The following DSCAM variants were observed in gnomAD, a reference collection of about 807,000 sequenced individuals.
DSCAM encodes cell adhesion molecule DSCAM.
Under a neutral mutation model 217.7 loss-of-function variants are expected in DSCAM, and 47 were observed. The ratio of observed to expected loss-of-function variants is 0.22; its 90% CI spans 0.17 to 0.28. The LOEUF (loss-of-function observed/expected upper bound fraction) is 0.28, where lower values mean the gene tolerates loss of function less well. DSCAM is among the 10% of genes least tolerant of loss of function. The probability of loss-of-function intolerance (pLI) is 1.00; values close to 1 mark genes in which losing one functional copy is unlikely to be tolerated. For missense variants in DSCAM, 2,080 were observed against 2,618.3 expected, an observed-to-expected ratio of 0.79 and a Z score of 4.49; for synonymous variants, 1,056 against 1,015.3, an observed-to-expected ratio of 1.04 and a Z score of -0.76.
chr21:40,817,315 G>T (rs1375018250), intron 1 of DSCAM, among the ~76,000 whole-genome samples: 1 of 152,098 alleles, frequency 6.6e-6, no homozygotes, highest in Non-Finnish European at 1.5e-5. Context: ...AAATCAGATC[G>T]CTTGTTTCTT....
At chr21:40,577,346 A>G (rs2146213944) in intron 3 of DSCAM, among the ~76,000 whole-genome samples, 1 of 151,776 alleles carries the variant, frequency 6.6e-6, no homozygotes, top group South Asian at 2.1e-4. Context: ...CCGGGGTGAG[A>G]AGCTGAGGAC....
At chr21:40,408,535 A>C (rs1278708931) in intron 3 of DSCAM, among the ~76,000 whole-genome samples, 1 of 152,118 alleles carries the variant, frequency 6.6e-6, no homozygotes, top group Non-Finnish European at 1.5e-5. Context: ...GACAACCTGA[A>C]AATTGAATAT....
chr21:40,119,292 C>A (rs1377816553), intron 20 of DSCAM, among the ~76,000 whole-genome samples: 3 of 152,070 alleles, frequency 2.0e-5, no homozygotes, highest in African/African-American at 7.2e-5. Flanking sequence ...AGGAGAGGAA[C>A]TATAGGTAGC....
intron 32 of DSCAM, among the ~76,000 whole-genome samples, chr21:40,031,762 G>A (rs1326030837): frequency 6.6e-6 from 1 of 152,138 alleles, no homozygotes; most frequent in East Asian, 1.9e-4. Context: ...GTGGCCTCCT[G>A]TACACTCTGC....
At chr21:40,702,244 G>A (rs557286685) in intron 2 of DSCAM, among the ~76,000 whole-genome samples, 1 of 152,218 alleles carries the variant, frequency 6.6e-6, no homozygotes, top group South Asian at 2.1e-4. Flanking sequence ...ATACTGTAAT[G>A]GTGATACCTG....
At chr21:40,619,464 G>A (rs34060470) in intron 3 of DSCAM, among the ~76,000 whole-genome samples, 13,510 of 152,092 alleles carry the variant, frequency 0.089, 696 homozygotes, top group South Asian at 0.16. Context: ...CTATTGTTAC[G>A]CAGTTCATAT....
At chr21:40,125,275 C>CT (rs2090082188) in intron 19 of DSCAM, among the ~76,000 whole-genome samples, 2 of 152,130 alleles carry the variant, frequency 1.3e-5, no homozygotes, top group South Asian at 4.1e-4. Context: ...TCCTCTTGTT[C>CT]TTTTATTTTC....
intron 3 of DSCAM, among the ~76,000 whole-genome samples, chr21:40,607,508 T>C (rs577328916): frequency 1.3e-5 from 2 of 151,664 alleles, no homozygotes; most frequent in Non-Finnish European, 2.9e-5. Context: ...AAGCATGATA[T>C]GGTTTGGCTG....
intron 3 of DSCAM, among the ~76,000 whole-genome samples, chr21:40,611,395 G>GT (rs2089313252): frequency 6.6e-6 from 1 of 152,060 alleles, no homozygotes; most frequent in South Asian, 2.1e-4. Flanking sequence ...GTAACACAGC[G>GT]TATCAAAACT....
chr21:40,777,955 C>T (rs2091503552), intron 1 of DSCAM, among the ~76,000 whole-genome samples: 1 of 152,136 alleles, frequency 6.6e-6, no homozygotes, highest in Non-Finnish European at 1.5e-5. Context: ...GACTTTCCAA[C>T]AGCACTAATG....
intron 3 of DSCAM, among the ~76,000 whole-genome samples, chr21:40,382,838 C>T (rs184826967): frequency 2.0e-4 from 30 of 152,274 alleles, no homozygotes; most frequent in Non-Finnish European, 3.8e-4. Flanking sequence ...ACCTTTGTAA[C>T]AAAATGGTAT....
chr21:40,266,635 TTATATATA>T (rs71186923), intron 11 of DSCAM, among the ~76,000 whole-genome samples: 37 of 62,626 alleles, frequency 5.9e-4, no homozygotes, highest in South Asian at 1.6e-3. Flanking sequence ...CAAAGATGTT[TTATATATA>T]TATATATATA....
chr21:40,363,725 C>T (rs1274200068), intron 4 of DSCAM, among the ~76,000 whole-genome samples: 6 of 152,046 alleles, frequency 3.9e-5, no homozygotes, highest in Non-Finnish European at 8.8e-5. Context: ...AAGAAACTAC[C>T]ATCAGAGTGA....
At chr21:40,201,821 T>C (rs368168747) in intron 11 of DSCAM, among the ~76,000 whole-genome samples, 1 of 152,028 alleles carries the variant, frequency 6.6e-6, no homozygotes, top group East Asian at 1.9e-4. Flanking sequence ...AGTAAAAAAA[T>C]AAAGAAACAA....
At chr21:40,779,001 G>A (rs945765825) in intron 1 of DSCAM, among the ~76,000 whole-genome samples, 2 of 138,538 alleles carry the variant, frequency 1.4e-5, no homozygotes, top group Non-Finnish European at 3.0e-5. Context: ...TCCAGCCTGG[G>A]CAACAAGAGC....
chr21:40,172,734 G>A (rs1385532433), intron 15 of DSCAM, among the ~76,000 whole-genome samples: 1 of 152,242 alleles, frequency 6.6e-6, no homozygotes, highest in African/African-American at 2.4e-5. Flanking sequence ...CTCTGGTTCT[G>A]ATTGGGAGAT....
At chr21:40,185,065 C>T (rs73230325) in intron 14 of DSCAM, among the ~76,000 whole-genome samples, 1,944 of 152,268 alleles carry the variant, frequency 0.013, 15 homozygotes, top group Non-Finnish European at 0.017. Context: ...AATAGACCTA[C>T]TAGGTGCAGG....
intron 3 of DSCAM, among the ~76,000 whole-genome samples, chr21:40,532,868 CTGTGTGTGTGTGTGTGTG>C (rs58575678): frequency 8.2e-5 from 12 of 146,032 alleles, no homozygotes; most frequent in African/African-American, 1.7e-4. Context: ...CCACAAGGCT[CTGTGTGTGTGTGTGTGTG>C]TGTGTGTGTG....
At chr21:40,798,225 T>C (rs760899702) in intron 1 of DSCAM, among the ~76,000 whole-genome samples, 19 of 151,946 alleles carry the variant, frequency 1.3e-4, no homozygotes, top group Non-Finnish European at 2.4e-4. Flanking sequence ...GAAGGAAATA[T>C]GCATTTGATC....
Sources: gnomAD v4.1 joint callset for allele counts (sites outside exome capture counted in the v4.1 genomes callset) on GRCh38, gnomAD v4.1.1 for gene constraint, MANE v1.5 for transcripts, NCBI Gene and HGNC (gene_info 2026-07-23, HGNC 2026-07-21) for gene names.